Variants in NWD2 observed in about 807,000 individuals in gnomAD.
The protein encoded by NWD2 is NACHT and WD repeat domain-containing protein 2.
NWD2 carries 37 observed loss-of-function variants against 132.7 expected under a neutral mutation model. The observed-to-expected ratio is 0.28, with a 90% CI of 0.21 to 0.37. The LOEUF (loss-of-function observed/expected upper bound fraction) is 0.37. Among genes scored for constraint, NWD2 ranks in the 10% least tolerant of loss-of-function variants. The probability of loss-of-function intolerance (pLI) is 1.00; values close to 1 mark genes in which losing one functional copy is unlikely to be tolerated. For synonymous variants in NWD2, 705 were observed against 803.0 expected, an observed-to-expected ratio of 0.88 and a Z score of 2.06; for missense variants, 1,592 against 2,122.4, an observed-to-expected ratio of 0.75 and a Z score of 4.91.
chr4:37,389,442 G>A (rs777505304), intron 3 of NWD2, among the ~76,000 whole-genome samples: 1 of 152,212 alleles, frequency 6.6e-6, no homozygotes, highest in Non-Finnish European at 1.5e-5. Context: ...AGAAGCAAGA[G>A]CCCAACACCT....
chr4:37,410,992 G>T lies in NWD2; in HGVS notation c.358-19580G>T, dbSNP rs1392712587. ...CCAGAATCTCTGGGACATATTTAAA[G>T]CAGTGTGTAGAGGGAAATTTATAGC... On this transcript the variant is annotated intron_variant, in intron 3 of 6. Transcript: ENST00000309447. Among the ~76,000 whole-genome samples the T allele has an allele frequency of 7.2e-5, 11 of 152,324 alleles. 1 individual carries two copies. In the South Asian group the frequency reaches 2.1e-3, roughly 29 times the overall value.
At chr4:37,275,477 A>G (rs1717989081) in intron 1 of NWD2, among the ~76,000 whole-genome samples, 1 of 152,188 alleles carries the variant, frequency 6.6e-6, no homozygotes, top group Non-Finnish European at 1.5e-5. Flanking sequence ...GGAAGAATCA[A>G]TATCGTGAAA....
chr4:37,245,260 G>A (rs536639834), intron 1 of NWD2, 42 bp downstream of exon 1: 27 of 1,500,114 alleles, frequency 1.8e-5, no homozygotes, highest in South Asian at 1.3e-4. Context: ...CCTTCTGTCC[G>A]TCAGCGCTGC....
intron 3 of NWD2, among the ~76,000 whole-genome samples, chr4:37,416,533 A>T (rs932609395): frequency 6.6e-5 from 10 of 152,182 alleles, no homozygotes; most frequent in Non-Finnish European, 1.3e-4. Context: ...ACCATTATGG[A>T]AAACAGTGTG....
intron 1 of NWD2, among the ~76,000 whole-genome samples, chr4:37,246,462 C>T (rs555160585): frequency 2.0e-5 from 3 of 152,282 alleles, no homozygotes; most frequent in Admixed American, 6.5e-5. Context: ...GACGGCACGA[C>T]TGTCCTTTTA....
At chr4:37,392,279 A>C (rs756156226) in intron 3 of NWD2, among the ~76,000 whole-genome samples, 1 of 152,208 alleles carries the variant, frequency 6.6e-6, no homozygotes, top group East Asian at 1.9e-4. Context: ...TGTAGTACAG[A>C]GGCTTGAGCC....
chr4:37,348,882 G>A (rs1396213645), intron 2 of NWD2, among the ~76,000 whole-genome samples: 1 of 151,180 alleles, frequency 6.6e-6, no homozygotes, highest in African/African-American at 2.4e-5. Flanking sequence ...CCCTCCCTGT[G>A]TGCATGTGTT....
chr4:37,256,148 A>ATTAC (rs1717514496), intron 1 of NWD2, among the ~76,000 whole-genome samples: 1 of 152,178 alleles, frequency 6.6e-6, no homozygotes, highest in African/African-American at 2.4e-5. Context: ...AACAGCAGTG[A>ATTAC]TTAGTAATGT....
intron 3 of NWD2, among the ~76,000 whole-genome samples, chr4:37,428,413 T>G (rs1417034628): frequency 6.6e-6 from 1 of 152,240 alleles, no homozygotes; most frequent in African/African-American, 2.4e-5. Context: ...TGTAGGGTTA[T>G]GTAAGAGGTC....
intron 3 of NWD2, among the ~76,000 whole-genome samples, chr4:37,394,817 T>TTG (rs1560411815): frequency 1.6e-5 from 2 of 128,236 alleles, no homozygotes; most frequent in East Asian, 4.5e-4. Flanking sequence ...TTTTTTTTTT[T>TTG]TTTTTTTTTT....
intron 3 of NWD2, among the ~76,000 whole-genome samples, chr4:37,399,247 C>T (rs776663128): frequency 6.6e-6 from 1 of 152,192 alleles, no homozygotes; most frequent in Non-Finnish European, 1.5e-5. Flanking sequence ...GAGCCAATCA[C>T]ATTTTCATTT....
chr4:37,377,071 G>A (rs190439225), intron 3 of NWD2, among the ~76,000 whole-genome samples: 19 of 152,124 alleles, frequency 1.2e-4, no homozygotes, highest in African/African-American at 4.1e-4. Flanking sequence ...CTCAAATTTG[G>A]GTTCTCAAAG....
At chr4:37,252,002 C>T (rs752115347) in intron 1 of NWD2, among the ~76,000 whole-genome samples, 16 of 152,010 alleles carry the variant, frequency 1.1e-4, no homozygotes, top group Non-Finnish European at 1.6e-4. Context: ...ATGATATGAA[C>T]GGAGCATTAA....
chr4:37,344,057 G>A (rs1719582991), intron 2 of NWD2, among the ~76,000 whole-genome samples: 1 of 152,224 alleles, frequency 6.6e-6, no homozygotes, highest in East Asian at 1.9e-4. Context: ...GATGAAATAA[G>A]TAAAGACAAA....
chr4:37,297,547 A>G (rs1412731787), intron 1 of NWD2, among the ~76,000 whole-genome samples: 1 of 152,210 alleles, frequency 6.6e-6, no homozygotes, highest in East Asian at 1.9e-4. Flanking sequence ...CAGGAAGTGA[A>G]CAGGAATTCA....
intron 3 of NWD2, 118 bp downstream of exon 3, chr4:37,356,600 A>C: frequency 1.5e-6 from 1 of 649,620 alleles, no homozygotes. Flanking sequence ...TTTTATGTCT[A>C]TTTAAACATT....
At chr4:37,308,752 G>A (rs1015071906) in intron 1 of NWD2, among the ~76,000 whole-genome samples, 2 of 152,084 alleles carry the variant, frequency 1.3e-5, no homozygotes, top group Admixed American at 6.5e-5. Flanking sequence ...CTGGTTGAGG[G>A]TACAGGCACT....
At chr4:37,285,291 C>A (rs1718208753) in intron 1 of NWD2, among the ~76,000 whole-genome samples, 1 of 152,052 alleles carries the variant, frequency 6.6e-6, no homozygotes, top group South Asian at 2.1e-4. Context: ...AACATGTGTT[C>A]CCTGTAATTC....
chr4:37,395,798 G>A (rs575380566), intron 3 of NWD2, among the ~76,000 whole-genome samples: 107 of 150,736 alleles, frequency 7.1e-4, no homozygotes, highest in African/African-American at 2.5e-3. Flanking sequence ...AAAAACTCCA[G>A]CCTGTTGCCC....
Sources: allele counts gnomAD v4.1 joint callset (sites outside exome capture counted in the v4.1 genomes callset), GRCh38; gene constraint gnomAD v4.1.1; transcripts MANE v1.5; gene names NCBI Gene and HGNC (gene_info 2026-07-23, HGNC 2026-07-21).